Variants in ARHGEF3 observed in about 807,000 individuals in gnomAD.
The protein encoded by ARHGEF3 is Rho guanine nucleotide exchange factor 3.
ARHGEF3 carries 28 observed loss-of-function variants against 63.2 expected under a neutral mutation model. The observed-to-expected ratio is 0.44, with a 90% CI of 0.33 to 0.61. The LOEUF (loss-of-function observed/expected upper bound fraction) is 0.61. Among genes scored for constraint, ARHGEF3 ranks in the 20% least tolerant of loss-of-function variants. The pLI, the probability that ARHGEF3 is intolerant of heterozygous loss-of-function variation, is 0.03. For missense variants in ARHGEF3, 533 were observed against 659.3 expected, an observed-to-expected ratio of 0.81 and a Z score of 2.10; for synonymous variants, 266 against 254.2, an observed-to-expected ratio of 1.05 and a Z score of -0.44.
rs1455460211 is a variant in ARHGEF3 at position 56,747,683 on chromosome 3, G to T, written c.613-2221C>A. Among the ~76,000 whole-genome samples, 3 of 152,172 alleles carry T rather than the reference G, an allele frequency of 2.0e-5. No homozygotes were observed. The East Asian group carries it at 5.8e-4, about 29-fold the overall frequency. On this transcript the variant is annotated intron_variant, in intron 6 of 9. Transcript: ENST00000296315. Reference sequence around the variant, plus strand: ...ACTAAAATATATAAAAATTAGCCGGGCATAGTGGTGCATGCCTGTAATCCC... The same window carrying T: ...ACTAAAATATATAAAAATTAGCCGGTCATAGTGGTGCATGCCTGTAATCCC...
At chr3:56,965,582 C>A (rs2106788460) in intron 2 of ARHGEF3, among the ~76,000 whole-genome samples, 1 of 149,844 alleles carries the variant, frequency 6.7e-6, no homozygotes, top group East Asian at 1.9e-4. Context: ...ATGTGAAGAA[C>A]TGGAAGAAGT....
intron 3 of ARHGEF3, among the ~76,000 whole-genome samples, chr3:56,958,463 G>C (rs1408597723): frequency 7.2e-6 from 1 of 138,948 alleles, no homozygotes; most frequent in African/African-American, 2.5e-5. Context: ...TGAGTAGCTA[G>C]GACTACAGGC....
intron 2 of ARHGEF3, among the ~76,000 whole-genome samples, chr3:57,026,637 C>G (rs568243136): frequency 1.3e-5 from 2 of 152,190 alleles, no homozygotes; most frequent in Non-Finnish European, 2.9e-5. Flanking sequence ...ACCATCTACC[C>G]TACCTGGACA....
At chr3:56,864,379 C>T (rs1215712600) in intron 4 of ARHGEF3, among the ~76,000 whole-genome samples, 1 of 152,242 alleles carries the variant, frequency 6.6e-6, no homozygotes, top group Non-Finnish European at 1.5e-5. Context: ...TCACTCTCCT[C>T]TTTAACCTGG....
At chr3:56,972,404 G>A (rs1200505182) in intron 2 of ARHGEF3, among the ~76,000 whole-genome samples, 1 of 152,110 alleles carries the variant, frequency 6.6e-6, no homozygotes, top group African/African-American at 2.4e-5. Context: ...TTAAACATTT[G>A]CTGAGTGTCT....
chr3:56,761,311 G>A (rs1174336090), intron 2 of ARHGEF3, among the ~76,000 whole-genome samples: 2 of 151,944 alleles, frequency 1.3e-5, no homozygotes, highest in Non-Finnish European at 2.9e-5. Flanking sequence ...GAGAGAACTA[G>A]AGTTGAGGGA....
At chr3:56,761,087 T>G (rs1258031172) in intron 2 of ARHGEF3, among the ~76,000 whole-genome samples, 1 of 152,014 alleles carries the variant, frequency 6.6e-6, no homozygotes, top group Non-Finnish European at 1.5e-5. Context: ...GCCTGGGCAA[T>G]GTAGCAAGAC....
At chr3:57,064,628 A>G (rs1465684053) in intron 1 of ARHGEF3, among the ~76,000 whole-genome samples, 1 of 152,252 alleles carries the variant, frequency 6.6e-6, no homozygotes, top group East Asian at 1.9e-4. Flanking sequence ...AAATTCTGAC[A>G]CATGTTACAA....
intron 1 of ARHGEF3, among the ~76,000 whole-genome samples, chr3:56,781,387 C>T (rs1180822685): frequency 8.6e-5 from 13 of 151,572 alleles, no homozygotes; most frequent in Admixed American, 8.5e-4. Flanking sequence ...GCTGGGACTA[C>T]AGGAGTACAC....
intron 3 of ARHGEF3, chr3:56,916,505 G>A: frequency 1.5e-6 from 2 of 1,375,758 alleles, no homozygotes. Context: ...AGTTACAAGT[G>A]TCAGAGGCTG....
intron 2 of ARHGEF3, among the ~76,000 whole-genome samples, chr3:56,997,921 C>T (rs1223385571): frequency 6.6e-6 from 1 of 152,192 alleles, no homozygotes; most frequent in African/African-American, 2.4e-5. Context: ...TTCTCATGAA[C>T]GTGTGTACAG....
chr3:57,023,657 G>A (rs561852346), intron 2 of ARHGEF3, among the ~76,000 whole-genome samples: 3 of 152,192 alleles, frequency 2.0e-5, no homozygotes, highest in Admixed American at 2.0e-4. Flanking sequence ...CTGAGATGCT[G>A]TCTTTGCTTC....
chr3:56,736,341 A>G (rs9882705), intron 8 of ARHGEF3, among the ~76,000 whole-genome samples: 23,650 of 152,176 alleles, frequency 0.16, 2,079 homozygotes, highest in South Asian at 0.39. Context: ...CACAGTTGCT[A>G]TGATAGCAGA....
intron 4 of ARHGEF3, among the ~76,000 whole-genome samples, chr3:56,847,494 T>A (rs1331144573): frequency 6.6e-6 from 1 of 152,230 alleles, no homozygotes; most frequent in Admixed American, 6.5e-5. Flanking sequence ...TCTCTTGTTT[T>A]TCTGGCATTA....
At chr3:56,740,887 T>C (rs1253148443) in intron 7 of ARHGEF3, among the ~76,000 whole-genome samples, 1 of 152,236 alleles carries the variant, frequency 6.6e-6, no homozygotes, top group African/African-American at 2.4e-5. Flanking sequence ...GTCATAAATA[T>C]GTGTTCATTT....
chr3:56,762,179 C>T (rs1484111167), intron 2 of ARHGEF3, among the ~76,000 whole-genome samples: 1 of 152,064 alleles, frequency 6.6e-6, no homozygotes, highest in Non-Finnish European at 1.5e-5. Flanking sequence ...TAGAAGAGGC[C>T]CACCTCAAAG....
chr3:56,763,852 G>A (rs1252800287), intron 2 of ARHGEF3, among the ~76,000 whole-genome samples: 1 of 151,992 alleles, frequency 6.6e-6, no homozygotes, highest in Non-Finnish European at 1.5e-5. Flanking sequence ...TGGAATTACA[G>A]GTGTGAGCCA....
intron 1 of ARHGEF3, among the ~76,000 whole-genome samples, chr3:56,798,278 G>A (rs1190884877): frequency 1.3e-5 from 2 of 152,204 alleles, no homozygotes; most frequent in Non-Finnish European, 2.9e-5. Context: ...AAACTGCTGA[G>A]AGTCAAAAGC....
intron 2 of ARHGEF3, chr3:57,035,049 T>C: frequency 6.7e-7 from 1 of 1,486,106 alleles, no homozygotes; most frequent in Non-Finnish European, 9.0e-7. Flanking sequence ...ACAGGAATTT[T>C]AAAATTTTTA....
Sources: allele counts gnomAD v4.1 joint callset (sites outside exome capture counted in the v4.1 genomes callset), GRCh38; gene constraint gnomAD v4.1.1; transcripts MANE v1.5; gene names NCBI Gene and HGNC (gene_info 2026-07-23, HGNC 2026-07-21).